LGSN: variants seen among roughly 807,000 people sequenced by gnomAD.
LGSN encodes lengsin.
LGSN carries 21 observed loss-of-function variants against 19.5 expected under a neutral mutation model. That is an observed-to-expected ratio of 1.07 (90% CI 0.76 to 1.55). The LOEUF is 1.55. LGSN is among the 40% of genes most tolerant of loss of function. LGSN has a pLI of 0.00. For synonymous variants in LGSN, 257 were observed against 215.6 expected (o/e 1.19, Z -1.68); for missense variants, 673 against 608.5 (o/e 1.11, Z -1.12).
chr6:63,547,429 A>AT, the LGSN span, among the ~76,000 whole-genome samples: 1 of 149,850 alleles, frequency 6.7e-6, no homozygotes, highest in Non-Finnish European at 1.5e-5. Context: ...ACCTCAAGTG[A>AT]TTAATCTGCC....
chr6:63,512,305 A>G, the LGSN span, among the ~76,000 whole-genome samples: 1 of 151,598 alleles, frequency 6.6e-6, no homozygotes, highest in South Asian at 2.1e-4. Flanking sequence ...CTGGTCTGGA[A>G]CTCCTGGCCT....
chr6:63,371,257 C>A, the LGSN span, among the ~76,000 whole-genome samples: 1 of 152,208 alleles, frequency 6.6e-6, no homozygotes, highest in Non-Finnish European at 1.5e-5. Context: ...TTTCTAGAAT[C>A]TTTGGATCAG....
the LGSN span, among the ~76,000 whole-genome samples, chr6:63,490,857 G>A: frequency 3.7e-4 from 57 of 152,282 alleles, no homozygotes; most frequent in African/African-American, 1.1e-3. Context: ...GGACCAACGG[G>A]AGCCAATGGT....
At chr6:63,391,455 G>C in the LGSN span, among the ~76,000 whole-genome samples, 4 of 152,296 alleles carry the variant, frequency 2.6e-5, no homozygotes, top group South Asian at 8.3e-4. Flanking sequence ...TGCTTTTTCT[G>C]ACAAGGATTC....
At chr6:63,516,630 T>G in the LGSN span, among the ~76,000 whole-genome samples, 2 of 152,180 alleles carry the variant, frequency 1.3e-5, no homozygotes, top group African/African-American at 4.8e-5. Flanking sequence ...CTCATTCTTC[T>G]CATCTTTCAA....
At chr6:63,535,484 C>T in the LGSN span, among the ~76,000 whole-genome samples, 2 of 151,872 alleles carry the variant, frequency 1.3e-5, no homozygotes, top group African/African-American at 4.8e-5. Flanking sequence ...AAAAAAAAAG[C>T]AATAATATGC....
the LGSN span, among the ~76,000 whole-genome samples, chr6:63,524,038 A>G: frequency 2.0e-5 from 3 of 152,064 alleles, no homozygotes; most frequent in Non-Finnish European, 4.4e-5. Flanking sequence ...CTGGAATGCA[A>G]TGGTGCCATC....
the LGSN span, among the ~76,000 whole-genome samples, chr6:63,423,452 A>G: frequency 2.0e-5 from 3 of 151,736 alleles, no homozygotes; most frequent in East Asian, 5.8e-4. Context: ...GCCTATGCAC[A>G]TGGCAAAACT....
At chr6:63,328,488 G>A in the LGSN span, among the ~76,000 whole-genome samples, 1 of 152,330 alleles carries the variant, frequency 6.6e-6, no homozygotes, top group East Asian at 1.9e-4. Flanking sequence ...TTTACATCAT[G>A]AGTACTCCAG....
At chr6:63,474,390 C>T in the LGSN span, among the ~76,000 whole-genome samples, 6 of 151,936 alleles carry the variant, frequency 3.9e-5, no homozygotes, top group East Asian at 1.9e-4. Flanking sequence ...GGGCGGATCA[C>T]GAGGTCAGGA....
chr6:63,378,046 A>AG, the LGSN span, among the ~76,000 whole-genome samples: 1 of 150,298 alleles, frequency 6.7e-6, no homozygotes, highest in African/African-American at 2.5e-5. Flanking sequence ...AAAAAAAAAA[A>AG]AAAAAGAAAA....
the LGSN span, among the ~76,000 whole-genome samples, chr6:63,394,391 T>C: frequency 1.3e-5 from 2 of 152,200 alleles, no homozygotes; most frequent in Admixed American, 1.3e-4. Flanking sequence ...CTAGTTATGA[T>C]GCAATTATAA....
At chr6:63,536,372 T>A in the LGSN span, among the ~76,000 whole-genome samples, 1 of 152,142 alleles carries the variant, frequency 6.6e-6, no homozygotes, top group South Asian at 2.1e-4. Flanking sequence ...ATAGCTATAT[T>A]TAATTTTGAC....
chr6:63,420,671 A>C, the LGSN span, among the ~76,000 whole-genome samples: 1 of 152,224 alleles, frequency 6.6e-6, no homozygotes, highest in Admixed American at 6.5e-5. Context: ...GCCAATTAAA[A>C]CATAAGTTTA....
chr6:63,349,568 A>T, the LGSN span, among the ~76,000 whole-genome samples: 1 of 152,180 alleles, frequency 6.6e-6, no homozygotes, highest in South Asian at 2.1e-4. Flanking sequence ...GCAACAGGGA[A>T]GTTGGAGAGA....
At chr6:63,452,026 G>A in the LGSN span, among the ~76,000 whole-genome samples, 6 of 148,870 alleles carry the variant, frequency 4.0e-5, no homozygotes, top group Admixed American at 1.4e-4. Context: ...CTTTGTTTAT[G>A]AGAAATATTA....
the LGSN span, among the ~76,000 whole-genome samples, chr6:63,486,682 CTTTT>C: frequency 8.6e-6 from 1 of 115,848 alleles, no homozygotes; most frequent in Non-Finnish European, 1.7e-5. Flanking sequence ...TTATTTTCTT[CTTTT>C]TTTTTTTTTT....
Position 63,280,999 on chromosome 6 carries a change from T to C in LGSN, c.552A>G (p.Pro184=). 1.2e-6 allele frequency: 2 copies of C among 1,614,034 alleles called. No homozygotes were observed. Among genetic ancestry groups the C allele is most frequent in the Non-Finnish European group, 1.7e-6 (2 of 1,180,002 alleles). ...TCAGCTGCCTCTTTGCAATGTACCT[T>C]GGGGAAGTCAAAAGAGGCTCACCAG... ...TVTGEPLLTS[P]RYIAKRQLSH... The change falls in exon 4 of 4, where the codon CCA becomes CCG. Residue 184 remains proline, a synonymous_variant. Transcript: ENST00000370657.
At chr6:63,488,759 A>G in the LGSN span, among the ~76,000 whole-genome samples, 3 of 152,082 alleles carry the variant, frequency 2.0e-5, no homozygotes, top group Non-Finnish European at 4.4e-5. Context: ...TAGAGGTTGC[A>G]GTGAGCCGAG....
Sources: allele counts gnomAD v4.1 joint callset (sites outside exome capture counted in the v4.1 genomes callset), GRCh38; gene constraint gnomAD v4.1.1; transcripts MANE v1.5; gene names NCBI Gene and HGNC (gene_info 2026-07-23, HGNC 2026-07-21).